PTPRD: variants seen among roughly 807,000 people sequenced by gnomAD.
The protein encoded by PTPRD is protein tyrosine phosphatase receptor type D, also known as receptor-type tyrosine-protein phosphatase delta.
PTPRD carries 34 observed loss-of-function variants against 214.5 expected under a neutral mutation model. The observed-to-expected ratio is 0.16, with a 90% CI of 0.12 to 0.21. The LOEUF is 0.21. PTPRD is among the 10% of genes least tolerant of loss of function. The pLI is 1.00. For synonymous variants in PTPRD, 1,128 were observed against 845.7 expected, an observed-to-expected ratio of 1.33 and a Z score of -5.79; for missense variants, 2,545 against 2,398.7, an observed-to-expected ratio of 1.06 and a Z score of -1.27.
At chr9:8,686,810 A>C (rs1270829366) in intron 12 of PTPRD, among the ~76,000 whole-genome samples, 1 of 152,232 alleles carries the variant, frequency 6.6e-6, no homozygotes, top group Non-Finnish European at 1.5e-5. Flanking sequence ...GACGCATTTA[A>C]AGCTAACTCT....
chr9:8,852,740 A>C (rs1349084336), intron 11 of PTPRD, among the ~76,000 whole-genome samples: 1 of 152,192 alleles, frequency 6.6e-6, no homozygotes, highest in Non-Finnish European at 1.5e-5. Context: ...CAGAGGTTAA[A>C]AAGCCATCAA....
In PTPRD at chr9:9,189,886, C is replaced by T. The variant is rs144360335; in HGVS notation, c.-202-6523G>A. Among the ~76,000 whole-genome samples, 303 of 152,028 alleles carry T rather than the reference C, an allele frequency of 2.0e-3. 3 individuals carry two copies. Among genetic ancestry groups the T allele is most frequent in the Middle Eastern group, 6.8e-3 (2 of 294 alleles). Reference sequence around the variant, plus strand: ...CAGGAATATGGTCAAAGTGAACTTCCTTGTGCCTTTGAAATTAGTGTGGCT... The same window carrying T: ...CAGGAATATGGTCAAAGTGAACTTCTTTGTGCCTTTGAAATTAGTGTGGCT... On this transcript the variant is annotated intron_variant, in intron 9 of 45. Transcript: ENST00000381196.
At chr9:10,297,580 GT>G (rs5896384) in intron 3 of PTPRD, among the ~76,000 whole-genome samples, 19,362 of 144,306 alleles carry the variant, frequency 0.13, 1,397 homozygotes, top group African/African-American at 0.2. Context: ...AATGAGTTGT[GT>G]TTTTTTTTTT....
intron 33 of PTPRD, among the ~76,000 whole-genome samples, chr9:8,455,272 G>T (rs952937585): frequency 6.6e-6 from 1 of 152,042 alleles, no homozygotes; most frequent in Non-Finnish European, 1.5e-5. Flanking sequence ...TATACAGTTG[G>T]GCTAATCCAG....
intron 2 of PTPRD, among the ~76,000 whole-genome samples, chr9:10,555,552 T>C (rs543390283): frequency 6.6e-6 from 1 of 152,236 alleles, no homozygotes; most frequent in South Asian, 2.1e-4. Flanking sequence ...AAAACTACAT[T>C]CGATCAAACA....
At chr9:9,389,432 C>G (rs933409772) in intron 9 of PTPRD, among the ~76,000 whole-genome samples, 1 of 152,092 alleles carries the variant, frequency 6.6e-6, no homozygotes, top group Non-Finnish European at 1.5e-5. Context: ...ATTGCTTGAA[C>G]CCGGGAGGCA....
intron 9 of PTPRD, among the ~76,000 whole-genome samples, chr9:9,396,687 T>G (rs1191023912): frequency 1.3e-5 from 2 of 152,000 alleles, no homozygotes; most frequent in African/African-American, 4.8e-5. Context: ...AGACACTCTT[T>G]CATAACATTT....
intron 3 of PTPRD, among the ~76,000 whole-genome samples, chr9:10,100,720 T>C (rs1397859410): frequency 1.3e-5 from 2 of 151,692 alleles, no homozygotes; most frequent in African/African-American, 4.8e-5. Context: ...GAATATATAT[T>C]GAGCACCTCG....
chr9:10,183,868 A>C (rs2154310516), intron 3 of PTPRD, among the ~76,000 whole-genome samples: 1 of 152,326 alleles, frequency 6.6e-6, no homozygotes, highest in Admixed American at 6.5e-5. Context: ...ACAGAACCAC[A>C]AAGGAGAGAT....
rs190560707 is a variant in PTPRD, at chr9:8,483,493, C to T, written c.3413+626G>A. Reference sequence around the variant, plus strand: ...AGTAGCCGGGCGCGGTGGCTCATGCCTATAATCCTAGCACTTTGGGAGGCT... The same window carrying T: ...AGTAGCCGGGCGCGGTGGCTCATGCTTATAATCCTAGCACTTTGGGAGGCT... On this transcript the variant is annotated intron_variant, in intron 30 of 45. Transcript: ENST00000381196. 6.9e-3 allele frequency among the ~76,000 whole-genome samples: 1,050 copies of T among 152,248 alleles called. 6 individuals are homozygous for T. Among genetic ancestry groups the T allele is most frequent in the Non-Finnish European group, 9.9e-3 (674 of 68,016 alleles).
At chr9:8,469,845 G>A (rs1184496555) in intron 31 of PTPRD, among the ~76,000 whole-genome samples, 5 of 152,074 alleles carry the variant, frequency 3.3e-5, no homozygotes, top group Non-Finnish European at 7.4e-5. Flanking sequence ...AATGAAGCCA[G>A]TGATCATAAA....
At chr9:9,965,613 CCTT>C (rs1366285259) in intron 4 of PTPRD, among the ~76,000 whole-genome samples, 4 of 152,130 alleles carry the variant, frequency 2.6e-5, no homozygotes, top group East Asian at 1.9e-4. Flanking sequence ...ATTACCTACT[CCTT>C]CTTTTCTCCT....
At chr9:10,234,922 A>G (rs2099623995) in intron 3 of PTPRD, among the ~76,000 whole-genome samples, 1 of 151,896 alleles carries the variant, frequency 6.6e-6, no homozygotes, top group South Asian at 2.1e-4. Flanking sequence ...AATTTATGAA[A>G]CAAGATTATA....
intron 10 of PTPRD, among the ~76,000 whole-genome samples, chr9:9,026,618 C>G (rs1254649721): frequency 1.3e-5 from 2 of 151,928 alleles, no homozygotes; most frequent in Admixed American, 6.6e-5. Flanking sequence ...CTTTTAAGCC[C>G]GAAGTTCATT....
At chr9:9,710,975 C>A (rs989883013) in intron 7 of PTPRD, among the ~76,000 whole-genome samples, 4 of 149,390 alleles carry the variant, frequency 2.7e-5, no homozygotes, top group Non-Finnish European at 4.5e-5. Flanking sequence ...CGAGAGAGAG[C>A]GTGTGTGTGT....
At chr9:9,390,967 A>G (rs992636891) in intron 9 of PTPRD, among the ~76,000 whole-genome samples, 3 of 152,200 alleles carry the variant, frequency 2.0e-5, no homozygotes, top group Non-Finnish European at 4.4e-5. Flanking sequence ...TGATTGCAAG[A>G]TGGTGTTTAT....
intron 8 of PTPRD, among the ~76,000 whole-genome samples, chr9:9,471,428 A>G (rs918469929): frequency 6.6e-6 from 1 of 152,168 alleles, no homozygotes; most frequent in Non-Finnish European, 1.5e-5. Flanking sequence ...ACAATCCTTC[A>G]ATTATAAATA....
chr9:9,941,495 G>T (rs575456580), intron 4 of PTPRD, among the ~76,000 whole-genome samples: 1 of 152,236 alleles, frequency 6.6e-6, no homozygotes, highest in East Asian at 1.9e-4. Context: ...GGTAATTTTT[G>T]TATTTTTAGT....
chr9:9,957,448 CAA>C (rs1182528758), intron 4 of PTPRD, among the ~76,000 whole-genome samples: 6 of 151,912 alleles, frequency 3.9e-5, no homozygotes, highest in African/African-American at 1.5e-4. Flanking sequence ...TAAAATGTTA[CAA>C]GAGAGCAAGC....
Sources: gnomAD v4.1 joint callset for allele counts (sites outside exome capture counted in the v4.1 genomes callset) on GRCh38, gnomAD v4.1.1 for gene constraint, MANE v1.5 for transcripts, NCBI Gene and HGNC (gene_info 2026-07-23, HGNC 2026-07-21) for gene names.